LAD1: variants seen among roughly 807,000 people sequenced by gnomAD.
The protein encoded by LAD1 is ladinin 1.
LAD1 carries 53 observed loss-of-function variants against 54.2 expected under a neutral mutation model. The ratio of observed to expected loss-of-function variants is 0.98; its 90% CI spans 0.78 to 1.23. LAD1 has a LOEUF of 1.23. LAD1 is among the 50% of genes most tolerant of loss of function. The pLI is 0.00. For missense variants in LAD1, 637 were observed against 653.3 expected (o/e 0.98, Z 0.27); for synonymous variants, 231 against 257.7 (o/e 0.90, Z 0.99).
intron 8 of LAD1, 136 bp downstream of exon 8, chr1:201,382,516 TG>T (rs1661983531): frequency 1.3e-6 from 1 of 795,624 alleles, no homozygotes; most frequent in African/African-American, 1.8e-5. Context: ...CCTCCACTCC[TG>T]AAATGACTCC....
chr1:201,392,665 G>A (rs1662216482), intron 1 of LAD1, among the ~76,000 whole-genome samples: 1 of 152,194 alleles, frequency 6.6e-6, no homozygotes, highest in African/African-American at 2.4e-5. Flanking sequence ...CCAGAGCAGA[G>A]GGCCTTGGAG....
At chr1:201,386,244 C>G in intron 3 of LAD1, 91 bp downstream of exon 3, 1 of 1,267,102 alleles carries the variant, frequency 7.9e-7, no homozygotes, top group Non-Finnish European at 1.0e-6. Context: ...ATGGAGGCAG[C>G]CAGGGAACCA....
chr1:201,393,731 G>C (rs548438837), intron 1 of LAD1, among the ~76,000 whole-genome samples: 31 of 133,336 alleles, frequency 2.3e-4, no homozygotes, highest in Non-Finnish European at 3.9e-4. Flanking sequence ...AGATGACAAA[G>C]TAAGACTCCA....
At chr1:201,396,790 G>A (rs1018041943) in intron 1 of LAD1, among the ~76,000 whole-genome samples, 1 of 152,132 alleles carries the variant, frequency 6.6e-6, no homozygotes, top group Admixed American at 6.5e-5. Context: ...TGGTCACTGT[G>A]GGGGGTAACT....
chr1:201,388,387 C>CAAA (rs34554043), intron 2 of LAD1, among the ~76,000 whole-genome samples: 3 of 133,694 alleles, frequency 2.2e-5, no homozygotes, highest in African/African-American at 5.4e-5. Flanking sequence ...GACTCCATCT[C>CAAA]AAAAAAAAAA....
chr1:201,381,859 G>C lies in LAD1; in HGVS notation c.*29C>G. 1 of 1,613,520 alleles carries C rather than the reference G, an allele frequency of 6.2e-7. No homozygotes were observed. The highest frequency in any genetic ancestry group is 8.5e-7 in the Non-Finnish European group (1 of 1,179,446). Reference sequence around the variant, plus strand: ...CATGAGGGAGGTCCCTTGAGACGAAGACTTGCAGGTCTGTCTTGGCGGGGC... The same window carrying C: ...CATGAGGGAGGTCCCTTGAGACGAACACTTGCAGGTCTGTCTTGGCGGGGC... On this transcript the variant is annotated 3_prime_UTR_variant, in exon 10 of 10. Transcript: ENST00000391967.
At position 201,381,795 on chromosome 1, in the gene LAD1, T is replaced by G; in HGVS notation, c.*93A>C. On this transcript the variant is annotated 3_prime_UTR_variant, in exon 10 of 10. Transcript: ENST00000391967. ...ACAGGCAAAAAGGGAACAGGGACAA[T>G]GAGAGGAAAGGGTGCTGCTGTGAGA... The G allele has an allele frequency of 7.4e-7, 1 of 1,347,110 alleles. No homozygotes were observed. Among genetic ancestry groups the G allele is most frequent in the Non-Finnish European group, 1.1e-6 (1 of 936,728 alleles). The allele number at this position is 1,347,110 out of a possible 1,614,324, so 83.4% of individuals were successfully genotyped here.
chr1:201,384,046 T>C (rs1662024396), intron 5 of LAD1, among the ~76,000 whole-genome samples: 1 of 152,242 alleles, frequency 6.6e-6, no homozygotes, highest in African/African-American at 2.4e-5. Context: ...CCTGAGCTCC[T>C]AGCCCTGGGT....
rs759757358 is a variant in LAD1 at position 201,384,692 on chromosome 1, C to T, written c.1175+100G>A. Reference sequence around the variant, plus strand: ...AAGGACTGCACCTTCCCCTCATGTGCCCTACCGCACAGCCTGGCACAAGGA... The same window carrying T: ...AAGGACTGCACCTTCCCCTCATGTGTCCTACCGCACAGCCTGGCACAAGGA... On this transcript the variant is annotated intron_variant, in intron 5 of 9. Transcript: ENST00000391967. 6 of 1,213,460 alleles carry T rather than the reference C, an allele frequency of 4.9e-6. No individual in the cohort carries two copies. The Admixed American group carries it at 5.1e-5, about 10-fold the overall frequency. The allele number at this position is 1,213,460 out of a possible 1,614,324, so 75.2% of individuals were successfully genotyped here.
chr1:201,384,669 G>T, intron 5 of LAD1, 123 bp downstream of exon 5: 1 of 946,528 alleles, frequency 1.1e-6, no homozygotes. Context: ...CCCTGGGCAA[G>T]GACTGCACCT....
chr1:201,384,157 G>A (rs1210879329), intron 5 of LAD1, among the ~76,000 whole-genome samples: 1 of 152,132 alleles, frequency 6.6e-6, no homozygotes, highest in Non-Finnish European at 1.5e-5. Context: ...TGAGTTGCTT[G>A]AGGACAGCAG....
chr1:201,385,528 T>C (rs886307298), intron 4 of LAD1, among the ~76,000 whole-genome samples, 173 bp downstream of exon 4: 1 of 152,178 alleles, frequency 6.6e-6, no homozygotes, highest in African/African-American at 2.4e-5. Flanking sequence ...TACTAACCTG[T>C]TCTCCTCTGC....
In LAD1 at chr1:201,380,933, T is replaced by C. The variant is rs1356904800; in HGVS notation, c.*955A>G. On this transcript the variant is annotated 3_prime_UTR_variant, in exon 10 of 10. Transcript: ENST00000391967. ...GTTCCTAGCTTGGTTGGTTCTAGAT[T>C]CTCTGATGGTTCACCATGCTCCAAG... 1 of 151,632 alleles carries C rather than the reference T, an allele frequency of 6.6e-6. No individual in the cohort carries two copies. The highest frequency in any genetic ancestry group is 1.5e-5 in the Non-Finnish European group (1 of 67,940). 9.4% of individuals were successfully genotyped at this position (151,632 alleles called of 1,614,324 possible). A position where few individuals can be genotyped will look rare whatever the true frequency, so the allele number is the denominator to read the frequency against.
intron 1 of LAD1, among the ~76,000 whole-genome samples, chr1:201,392,920 A>G (rs966351185): frequency 3.3e-5 from 5 of 152,146 alleles, no homozygotes; most frequent in African/African-American, 1.2e-4. Context: ...AAATATGGGG[A>G]AAAGTGATAG....
chr1:201,386,859 C>G lies in LAD1; in HGVS notation c.502G>C (p.Glu168Gln), dbSNP rs998887768. ...TTTTCTGGAACCCCTTTCTTCCTCT[C>G]TTCTGGCTCCCTGCCCACCAAGCTC... is the stretch of plus-strand genomic sequence containing the variant. ...EESLVGREPE[E>Q]RKKGVPEKSP... Residue 168 changes from glutamate to glutamine, a missense_variant, in exon 3 of 10, where the codon GAG becomes CAG. Physicochemically the swap from Glu to Gln is conservative, Grantham distance 29. Transcript: ENST00000391967. The G allele has an allele frequency of 4.3e-6, 7 of 1,611,678 alleles. No individual in the cohort carries two copies. Among genetic ancestry groups the G allele is most frequent in the Non-Finnish European group, 5.9e-6 (7 of 1,179,636 alleles).
chr1:201,399,237 C>G, intron 1 of LAD1, 32 bp downstream of exon 1: 1 of 1,530,518 alleles, frequency 6.5e-7, no homozygotes, highest in Non-Finnish European at 8.8e-7. Context: ...CCCGCCGACC[C>G]CCCGCCCCTC....
Position 201,381,632 on chromosome 1 carries a change from T to C in LAD1, c.*256A>G, listed in dbSNP as rs562352382. On this transcript the variant is annotated 3_prime_UTR_variant, in exon 10 of 10. Transcript: ENST00000391967. ...GCTGATGTGCACTTGTGCTGTGACC[T>C]GGGCAGAGACTGGGTCCCAGCATCT... The C allele has an allele frequency of 6.8e-6, 4 of 585,570 alleles. No homozygotes were observed. Among genetic ancestry groups the C allele is most frequent in the Non-Finnish European group, 1.2e-5 (4 of 324,584 alleles). The allele number at this position is 585,570 out of a possible 1,614,324, so 36.3% of individuals were successfully genotyped here.
chr1:201,389,319 A>G lies in LAD1; in HGVS notation c.39-16T>C, dbSNP rs770634403. 8.7e-6 allele frequency: 14 copies of G among 1,607,982 alleles called. No homozygotes were observed. In the African/African-American group the frequency reaches 1.5e-4, roughly 17 times the overall value. On this transcript the variant is annotated splice_polypyrimidine_tract_variant and intron_variant, in intron 1 of 9. Transcript: ENST00000391967. ...CCGGGCAAGGCTGGGGGAGGGGAGG[A>G]GAGGGTCAGCACAGCTGGGGAAACC... is the stretch of plus-strand genomic sequence containing the variant.
intron 1 of LAD1, chr1:201,391,019 A>G (rs2102359013): frequency 6.7e-6 from 3 of 445,418 alleles, no homozygotes; most frequent in African/African-American, 2.0e-5. Context: ...TCCTCACTCA[A>G]TTCCCCATGG....
Sources: gnomAD v4.1 joint callset for allele counts (sites outside exome capture counted in the v4.1 genomes callset) on GRCh38, gnomAD v4.1.1 for gene constraint, MANE v1.5 for transcripts, NCBI Gene and HGNC (gene_info 2026-07-23, HGNC 2026-07-21) for gene names.